The following LINGO2 variants were observed in gnomAD, a reference collection of about 807,000 sequenced individuals.
The protein encoded by LINGO2 is leucine-rich repeat and immunoglobulin-like domain-containing nogo receptor-interacting protein 2.
A neutral mutation model predicts 30.6 loss-of-function variants in LINGO2; 14 were observed. That is an observed-to-expected ratio of 0.46 (90% CI 0.30 to 0.72). The LOEUF (loss-of-function observed/expected upper bound fraction) is 0.72. LINGO2 is among the 30% of genes least tolerant of loss of function. The probability of loss-of-function intolerance (pLI) is 0.07; values close to 1 mark genes in which losing one functional copy is unlikely to be tolerated. For missense variants in LINGO2, 729 were observed against 751.7 expected, an observed-to-expected ratio of 0.97 and a Z score of 0.35; for synonymous variants, 317 against 288.5, an observed-to-expected ratio of 1.10 and a Z score of -1.00.
intron 1 of LINGO2, among the ~76,000 whole-genome samples, chr9:28,489,092 AG>A (rs1826284834): frequency 6.6e-6 from 1 of 152,212 alleles, no homozygotes; most frequent in Non-Finnish European, 1.5e-5. Flanking sequence ...TATAGGGTAG[AG>A]GTGGGGAATT....
the LINGO2 span, among the ~76,000 whole-genome samples, chr9:29,110,793 C>A: frequency 6.6e-6 from 1 of 151,994 alleles, no homozygotes; most frequent in Non-Finnish European, 1.5e-5. Context: ...CGGGTTCAAG[C>A]AGTTCTCCTA....
At chr9:28,038,868 CTATT>C (rs1245841754) in intron 4 of LINGO2, among the ~76,000 whole-genome samples, 1 of 152,152 alleles carries the variant, frequency 6.6e-6, no homozygotes, top group African/African-American at 2.4e-5. Flanking sequence ...TTTTAAAATT[CTATT>C]TGTTTCTGTA....
At chr9:28,523,127 T>C (rs1398249983) in intron 1 of LINGO2, among the ~76,000 whole-genome samples, 1 of 151,956 alleles carries the variant, frequency 6.6e-6, no homozygotes, top group Non-Finnish European at 1.5e-5. Context: ...ATAAATTCAA[T>C]AAATTTAATC....
At position 28,657,377 on chromosome 9, in the gene LINGO2, G is replaced by A. The variant is rs564166467; in HGVS notation, c.-365+12823C>T. 6.5e-4 allele frequency among the ~76,000 whole-genome samples: 98 copies of A among 151,660 alleles called. 3 individuals are homozygous for A. The South Asian group carries it at 0.018, about 28-fold the overall frequency. ...ATTTACCAGTGCAGTCATCTACTCC[G>A]GGCTTTTTTATTTTTTTCCTTGAGA... On this transcript the variant is annotated intron_variant, in intron 1 of 5. Coordinates refer to ENST00000379992, the Ensembl canonical transcript of LINGO2.
the LINGO2 span, among the ~76,000 whole-genome samples, chr9:28,752,712 G>T: frequency 6.6e-6 from 1 of 151,834 alleles, no homozygotes; most frequent in Non-Finnish European, 1.5e-5. Flanking sequence ...TTTTAGTCCG[G>T]CTCCCAACTC....
the LINGO2 span, among the ~76,000 whole-genome samples, chr9:28,770,402 CG>C: frequency 5.3e-5 from 8 of 152,264 alleles, no homozygotes; most frequent in South Asian, 1.2e-3. Context: ...ATGCTGAAAC[CG>C]CATAGGTCTT....
rs576271947 is a variant in LINGO2, at chr9:28,049,456, A to C, written c.-86-37051T>G. On this transcript the variant is annotated intron_variant, in intron 4 of 5. Transcript: ENST00000379992. ...GGATGGGTAGAGTTAGCGAGGCAAA[A>C]AGGATAAGTGGCTGGAGGAAAGACA... 5.7e-4 allele frequency among the ~76,000 whole-genome samples: 86 copies of C among 150,360 alleles called. 1 individual carries two copies. Among genetic ancestry groups the C allele is most frequent in the Non-Finnish European group, 9.7e-4 (66 of 67,816 alleles).
intron 4 of LINGO2, among the ~76,000 whole-genome samples, chr9:28,100,389 G>T (rs1388314835): frequency 6.6e-6 from 1 of 152,154 alleles, no homozygotes; most frequent in African/African-American, 2.4e-5. Context: ...TTAGAGGGAG[G>T]TAAGCAGAGG....
At chr9:28,471,224 G>A (rs543975967) in intron 2 of LINGO2, among the ~76,000 whole-genome samples, 1 of 152,174 alleles carries the variant, frequency 6.6e-6, no homozygotes, top group Non-Finnish European at 1.5e-5. Flanking sequence ...TTGTCTCACA[G>A]TTCTGAAGGC....
At chr9:28,109,203 T>C (rs753338046) in intron 4 of LINGO2, among the ~76,000 whole-genome samples, 1 of 152,214 alleles carries the variant, frequency 6.6e-6, no homozygotes, top group South Asian at 2.1e-4. Flanking sequence ...CATCCCTTCA[T>C]GTTAAAAACA....
chr9:29,077,260 TA>T, the LINGO2 span, among the ~76,000 whole-genome samples: 30,002 of 151,252 alleles, frequency 0.2, 3,099 homozygotes, highest in African/African-American at 0.24. Flanking sequence ...ATCTATACTT[TA>T]AAAAAAAAGA....
chr9:28,778,906 A>G, the LINGO2 span, among the ~76,000 whole-genome samples: 3 of 152,208 alleles, frequency 2.0e-5, no homozygotes, highest in African/African-American at 7.2e-5. Flanking sequence ...TGAAAATATT[A>G]AACATTTTGC....
chr9:28,245,110 A>G (rs944286484), intron 4 of LINGO2, among the ~76,000 whole-genome samples: 1 of 152,202 alleles, frequency 6.6e-6, no homozygotes, highest in Non-Finnish European at 1.5e-5. Context: ...ATCCACCACT[A>G]TCGAGTCAGC....
the LINGO2 span, among the ~76,000 whole-genome samples, chr9:29,018,748 G>A: frequency 1.4e-5 from 2 of 147,314 alleles, no homozygotes; most frequent in African/African-American, 4.9e-5. Context: ...ACTTAGATCT[G>A]AACGAAGTGT....
chr9:28,236,701 C>T (rs1337788741), intron 4 of LINGO2, among the ~76,000 whole-genome samples: 1 of 151,806 alleles, frequency 6.6e-6, no homozygotes, highest in African/African-American at 2.4e-5. Context: ...AAACCATGGA[C>T]ATAATAAATA....
At chr9:28,965,920 T>A in the LINGO2 span, among the ~76,000 whole-genome samples, 1 of 152,158 alleles carries the variant, frequency 6.6e-6, no homozygotes, top group African/African-American at 2.4e-5. Context: ...TACGAATTTG[T>A]CTAGACAGGA....
At chr9:29,008,053 T>A in the LINGO2 span, among the ~76,000 whole-genome samples, 1 of 152,144 alleles carries the variant, frequency 6.6e-6, no homozygotes, top group Non-Finnish European at 1.5e-5. Flanking sequence ...ATTAGGTATA[T>A]CTCCTAATGC....
intron 3 of LINGO2, among the ~76,000 whole-genome samples, chr9:28,303,092 T>A (rs1220023226): frequency 1.3e-5 from 2 of 152,166 alleles, no homozygotes; most frequent in Non-Finnish European, 2.9e-5. Flanking sequence ...CTTTCTCTAT[T>A]TCTAATAGTT....
chr9:28,764,179 C>A, the LINGO2 span, among the ~76,000 whole-genome samples: 1 of 151,024 alleles, frequency 6.6e-6, no homozygotes, highest in Non-Finnish European at 1.5e-5. Flanking sequence ...CTTACAAGGG[C>A]AGCATAATTC....
Sources: gnomAD v4.1 joint callset for allele counts (sites outside exome capture counted in the v4.1 genomes callset) on GRCh38, gnomAD v4.1.1 for gene constraint, MANE v1.5 for transcripts, NCBI Gene and HGNC (gene_info 2026-07-23, HGNC 2026-07-21) for gene names.